Variants in DSC2 observed in about 807,000 individuals in gnomAD.
The protein encoded by DSC2 is desmocollin-2.
Under a neutral mutation model 87.6 loss-of-function variants are expected in DSC2, and 51 were observed. The ratio of observed to expected loss-of-function variants is 0.58; its 90% CI spans 0.46 to 0.74. The LOEUF is 0.74. Among genes scored for constraint, DSC2 ranks in the 30% least tolerant of loss-of-function variants. DSC2 has a pLI of 0.00. For missense variants in DSC2, 1,066 were observed against 1,089.5 expected (o/e 0.98, Z 0.30); for synonymous variants, 383 against 393.2 (o/e 0.97, Z 0.31).
Position 31,092,151 on chromosome 18 carries a change from C to A in DSC2, c.304G>T (p.Glu102Ter). ...RSFTILLSNTENQEKKKIFVF... is the reference protein window; with the variant it reads ...RSFTILLSNT The stretch of plus-strand genomic sequence containing the variant: ...AATATTTTCTTCTTTTCTTGGTTCT[C>A]AGTGTTGGAAAGTAATATGGTAAAA... Residue 102 changes from glutamate to a stop codon, truncating the protein, a stop_gained, in exon 3 of 16, where the codon GAG becomes TAG. Transcript: ENST00000280904. LOFTEE classifies it high-confidence loss of function. 6.2e-7 allele frequency: 1 copy of A among 1,613,204 alleles called. No individual in the cohort carries two copies. The highest frequency in any genetic ancestry group is 1.1e-5 in the South Asian group (1 of 91,018).
rs1001112771 is a variant in DSC2, at chr18:31,064,302, G to T, written c.*3713C>A. The T allele has an allele frequency of 2.0e-5, 3 of 152,176 alleles. No individual in the cohort carries two copies. Among genetic ancestry groups the T allele is most frequent in the Non-Finnish European group, 4.4e-5 (3 of 68,052 alleles). The allele number at this position is 152,176 out of a possible 1,614,324, so 9.4% of individuals were successfully genotyped here. A position where few individuals can be genotyped will look rare whatever the true frequency, so the allele number is the denominator to read the frequency against. On this transcript the variant is annotated 3_prime_UTR_variant, in exon 16 of 16. Transcript: ENST00000280904. ...GTCTTGACTTGCATTCAAGTGTGTG[G>T]GTGGGGAGAGTGGCTGATTCATCTT...
intron 4 of DSC2, 56 bp from the exon 5 acceptor site, chr18:31,089,650 T>C (rs1352075110): frequency 5.2e-6 from 8 of 1,533,492 alleles, no homozygotes; most frequent in Non-Finnish European, 6.3e-6. Context: ...AGAGCTTTCA[T>C]CTATATATTT....
Position 31,067,889 on chromosome 18 carries a change from G to T in DSC2, c.*126C>A. ...CTGTAAATGTGCATTTGACCAAAGA[G>T]ATTCCATCCAAATAATGAGAGAAAA... On this transcript the variant is annotated 3_prime_UTR_variant, in exon 16 of 16. Transcript: ENST00000280904. 1 of 859,646 alleles carries T rather than the reference G, an allele frequency of 1.2e-6. No individual in the cohort carries two copies. The highest frequency in any genetic ancestry group is 1.8e-6 in the Non-Finnish European group (1 of 542,144). The allele number at this position is 859,646 out of a possible 1,614,324, so 53.3% of individuals were successfully genotyped here. A position where few individuals can be genotyped will look rare whatever the true frequency, so the allele number is the denominator to read the frequency against.
Position 31,086,656 on chromosome 18 carries a change from C to G in DSC2, c.862G>C (p.Val288Leu). ...GAAAATAGGGTGGGTGATGGTGGCACCTGCCCAATGATGGAGTACTTCAGG... is the reference window on the plus strand; with the variant it reads ...GAAAATAGGGTGGGTGATGGTGGCAGCTGCCCAATGATGGAGTACTTCAGG... ...TRLKYSIIGQ[V>L]PPSPTLFSMH... The change falls in exon 7 of 16, where the codon GTG (valine) becomes CTG (leucine). Residue 288 changes from valine to leucine, a missense_variant. Coordinates refer to ENST00000280904, the MANE Select transcript of DSC2 (RefSeq NM_024422.6). 1 of 1,614,112 alleles carries G rather than the reference C, an allele frequency of 6.2e-7. No homozygotes were observed. Among genetic ancestry groups the G allele is most frequent in the Non-Finnish European group, 8.5e-7 (1 of 1,180,014 alleles).
intron 6 of DSC2, among the ~76,000 whole-genome samples, chr18:31,087,009 G>A (rs1987422548): frequency 6.6e-6 from 1 of 152,120 alleles, no homozygotes; most frequent in African/African-American, 2.4e-5. Flanking sequence ...ATCCCTCCAT[G>A]TATTTTCAGA....
intron 1 of DSC2, among the ~76,000 whole-genome samples, chr18:31,095,370 T>C (rs1287255715): frequency 6.6e-6 from 1 of 152,142 alleles, no homozygotes; most frequent in Non-Finnish European, 1.5e-5. Context: ...AGTGCAGATT[T>C]TGTTCTGAGT....
chr18:31,100,574 A>C (rs769796796), intron 1 of DSC2, among the ~76,000 whole-genome samples: 6 of 152,224 alleles, frequency 3.9e-5, no homozygotes, highest in Non-Finnish European at 7.3e-5. Flanking sequence ...AATTCAGTTA[A>C]GGGTTTGAAG....
chr18:31,068,067 TC>T lies in DSC2; in HGVS notation c.2653del (p.Asp885IlefsTer10). On this transcript the variant is annotated frameshift_variant, in exon 16 of 16. Transcript: ENST00000280904. LOFTEE classifies it high-confidence loss of function. The stretch of plus-strand genomic sequence containing the variant: ...TGTCCTAAATTTGGGCTCCAAATTA[TC>T]CAAAAATTCAAGCCCATCTTCTTCT... Reference protein sequence around the residue: ...RQEEDGLEFLDNLEPKFRTLA... With the variant: ...RQEEDGLEFLXNLEPKFRTLA... 6.2e-7 allele frequency: 1 copy of T among 1,614,026 alleles called. No homozygotes were observed. The highest frequency in any genetic ancestry group is 2.2e-5 in the East Asian group (1 of 44,840).
chr18:31,074,132 G>A (rs1986924284), intron 12 of DSC2, among the ~76,000 whole-genome samples: 1 of 152,124 alleles, frequency 6.6e-6, no homozygotes, highest in Non-Finnish European at 1.5e-5. Context: ...CTCCCCCTGG[G>A]GTTCACTGAG....
At position 31,082,955 on chromosome 18, in the gene DSC2, C is replaced by A. The variant is rs766413086; in HGVS notation, c.1048G>T (p.Asp350Tyr). 5 of 1,613,396 alleles carry A rather than the reference C, an allele frequency of 3.1e-6. No individual in the cohort carries two copies. Among genetic ancestry groups the A allele is most frequent in the African/African-American group, 2.7e-5 (2 of 74,886 alleles). The change falls in exon 8 of 16, where the codon GAC becomes TAC. Residue 350 changes from aspartate to tyrosine, a missense_variant. Physicochemically the swap from Asp to Tyr is radical, Grantham distance 160. Transcript: ENST00000280904. The part of the protein sequence containing the change: ...TCIINIDDVN[D>Y]HLPTFTRTSY... ...GTACGAGTAAATGTTGGCAAGTGGT[C>A]ATTTACATCATCAATGTTAATGATA...
intron 5 of DSC2, among the ~76,000 whole-genome samples, chr18:31,088,231 T>C (rs1047847313): frequency 3.3e-5 from 5 of 152,196 alleles, no homozygotes; most frequent in African/African-American, 1.2e-4. Context: ...CAGGTACAGT[T>C]AACTGGGATA....
chr18:31,081,847 C>T (rs543596191), intron 9 of DSC2, among the ~76,000 whole-genome samples: 11 of 152,006 alleles, frequency 7.2e-5, no homozygotes, highest in African/African-American at 2.7e-4. Context: ...TATGAATAAC[C>T]TCTCCATGGG....
At chr18:31,071,522 G>C in intron 13 of DSC2, 83 bp downstream of exon 13, 1 of 1,254,084 alleles carries the variant, frequency 8.0e-7, no homozygotes, top group Non-Finnish European at 1.2e-6. Context: ...CTCCAGCCTG[G>C]GCTCTGTCTC....
intron 1 of DSC2, among the ~76,000 whole-genome samples, chr18:31,094,845 A>G (rs1192114204): frequency 6.6e-6 from 1 of 152,224 alleles, no homozygotes; most frequent in African/African-American, 2.4e-5. Flanking sequence ...CACTGGCTGC[A>G]TAGCCAAGAG....
At chr18:31,089,408 G>A in intron 5 of DSC2, 31 bp downstream of exon 5, 6 of 1,612,466 alleles carry the variant, frequency 3.7e-6, no homozygotes, top group East Asian at 2.2e-5. Flanking sequence ...CATCATCATT[G>A]CTAATACAGT....
intron 11 of DSC2, among the ~76,000 whole-genome samples, chr18:31,077,569 G>A (rs1433719857): frequency 6.6e-6 from 1 of 152,158 alleles, no homozygotes; most frequent in Non-Finnish European, 1.5e-5. Flanking sequence ...TGTCATAGAA[G>A]AACATTTAAG....
At chr18:31,101,113 G>T (rs1017967005) in intron 1 of DSC2, 13 of 903,250 alleles carry the variant, frequency 1.4e-5, no homozygotes, top group Non-Finnish European at 1.7e-5. Flanking sequence ...CAGAAAAATC[G>T]AGTCGCCTCT....
chr18:31,086,638 G>T lies in DSC2; in HGVS notation c.880C>A (p.Leu294Ile), dbSNP rs761796202. The change falls in exon 7 of 16, where the codon CTA becomes ATA. Residue 294 changes from leucine (L) to isoleucine (I), a missense_variant. Leu to Ile is a conservative substitution (Grantham distance 5). Coordinates refer to ENST00000280904, the MANE Select transcript of DSC2 (RefSeq NM_024422.6). The part of the protein sequence containing the change: ...IIGQVPPSPT[L>I]FSMHPTTGVI... The stretch of plus-strand genomic sequence containing the variant: ...CCTGTAGTTGGATGCATAGAAAATA[G>T]GGTGGGTGATGGTGGCACCTGCCCA... 2 of 1,614,038 alleles carry T rather than the reference G, an allele frequency of 1.2e-6. No individual in the cohort carries two copies. The highest frequency in any genetic ancestry group is 1.7e-6 in the Non-Finnish European group (2 of 1,180,018).
chr18:31,066,517 A>G lies in DSC2; in HGVS notation c.*1498T>C, dbSNP rs1345456811. 4 of 152,198 alleles carry G rather than the reference A, an allele frequency of 2.6e-5. No homozygotes were observed. Among genetic ancestry groups the G allele is most frequent in the Admixed American group, 6.5e-5 (1 of 15,274 alleles). The allele number at this position is 152,198 out of a possible 1,614,324, so 9.4% of individuals were successfully genotyped here. ...GTTATCAAATAATTCCCTAGTGTTA[A>G]TCTGGCAAATAATTGTTATAACCCA... On this transcript the variant is annotated 3_prime_UTR_variant, in exon 16 of 16. Transcript: ENST00000280904.
Sources: gnomAD v4.1 joint callset for allele counts (sites outside exome capture counted in the v4.1 genomes callset) on GRCh38, gnomAD v4.1.1 for gene constraint, MANE v1.5 for transcripts, NCBI Gene and HGNC (gene_info 2026-07-23, HGNC 2026-07-21) for gene names.